Variants in PACS2 observed in about 807,000 individuals in gnomAD.
PACS2 encodes the protein PACS1-like protein.
Under a neutral mutation model 113.0 loss-of-function variants are expected in PACS2, and 36 were observed. That is an observed-to-expected ratio of 0.32 (90% CI 0.24 to 0.42). PACS2 has a LOEUF of 0.42. Among genes scored for constraint, PACS2 ranks in the 10% least tolerant of loss-of-function variants. The pLI is 1.00. For synonymous variants in PACS2, 589 were observed against 536.1 expected, an observed-to-expected ratio of 1.10 and a Z score of -1.36; for missense variants, 1,015 against 1,239.5, an observed-to-expected ratio of 0.82 and a Z score of 2.72.
chr14:105,391,094 G>C, intron 20 of PACS2, 113 bp from the exon 21 acceptor site: 1 of 781,072 alleles, frequency 1.3e-6, no homozygotes. Context: ...CCACCTGGCC[G>C]CTCCAGCATC....
chr14:105,382,977 T>G (rs1365243654), intron 15 of PACS2, 64 bp downstream of exon 15: 2 of 958,492 alleles, frequency 2.1e-6, no homozygotes, highest in East Asian at 5.0e-5. Context: ...CACCCCCACC[T>G]CTGCCCATTG....
intron 19 of PACS2, among the ~76,000 whole-genome samples, chr14:105,386,550 C>T (rs1274656961): frequency 6.6e-6 from 1 of 152,194 alleles, no homozygotes; most frequent in African/African-American, 2.4e-5. Flanking sequence ...TTTCCTTGGC[C>T]AGGTGTGTCC....
At chr14:105,302,204 C>CTT (rs1274491955) in intron 1 of PACS2, among the ~76,000 whole-genome samples, 9 of 132,780 alleles carry the variant, frequency 6.8e-5, no homozygotes, top group Non-Finnish European at 9.7e-5. Flanking sequence ...TTTTTTCTTT[C>CTT]TTTTTTTTTT....
intron 17 of PACS2, 83 bp downstream of exon 17, chr14:105,384,546 C>G (rs1368895686): frequency 1.1e-5 from 9 of 827,314 alleles, no homozygotes; most frequent in Non-Finnish European, 2.0e-6. Context: ...CCAGGAGGCC[C>G]TGCACCTGCT....
intron 1 of PACS2, among the ~76,000 whole-genome samples, chr14:105,334,311 C>T (rs1035559040): frequency 7.2e-5 from 11 of 152,360 alleles, no homozygotes; most frequent in African/African-American, 2.2e-4. Flanking sequence ...TCCAGGGCAG[C>T]GTGGCCAGGA....
intron 21 of PACS2, 68 bp from the exon 22 acceptor site, chr14:105,391,563 G>T: frequency 1.8e-6 from 2 of 1,114,964 alleles, no homozygotes; most frequent in Non-Finnish European, 1.2e-6. Context: ...ATCCTGGTCC[G>T]GAGGGCCTGG....
chr14:105,368,583 C>G (rs1396997990), intron 7 of PACS2, 44 bp downstream of exon 7: 8 of 1,485,878 alleles, frequency 5.4e-6, no homozygotes, highest in Non-Finnish European at 7.5e-6. Flanking sequence ...AGGCGAGGGT[C>G]GGGGAGGACG....
intron 1 of PACS2, among the ~76,000 whole-genome samples, chr14:105,304,993 C>T (rs944289126): frequency 1.3e-5 from 2 of 152,184 alleles, no homozygotes; most frequent in African/African-American, 4.8e-5. Flanking sequence ...TGTGTGTTCC[C>T]CCAAAGTCCA....
upstream of PACS2, among the ~76,000 whole-genome samples, chr14:105,312,235 C>T (rs587693522): frequency 2.5e-4 from 38 of 152,342 alleles, 1 homozygote; most frequent in African/African-American, 8.2e-4. Context: ...GGAAAGGCCT[C>T]GGCCCATCCT....
chr14:105,315,092 G>T lies in PACS2; in HGVS notation c.119+55G>T. ...GCCGGGCACCTGCTGGGGGTGTCCTGGCCGCGGCCTCTGCGCGCCCCATCC... is the reference window on the plus strand; with the variant it reads ...GCCGGGCACCTGCTGGGGGTGTCCTTGCCGCGGCCTCTGCGCGCCCCATCC... On this transcript the variant is annotated intron_variant, in intron 1 of 24. Coordinates refer to ENST00000447393, the MANE Select transcript of PACS2 (RefSeq NM_001100913.3). This position sits in a 1 kb window ranked among gnomAD's most constrained non-coding sequence, Gnocchi z 4.4. 9.6e-7 allele frequency: 1 copy of T among 1,041,188 alleles called. No homozygotes were observed. Among genetic ancestry groups the T allele is most frequent in the Non-Finnish European group, 1.2e-6 (1 of 859,418 alleles). 64.5% of individuals were successfully genotyped at this position (1,041,188 alleles called of 1,614,324 possible). A position where few individuals can be genotyped will look rare whatever the true frequency, so the allele number is the denominator to read the frequency against.
chr14:105,394,191 A>T, intron 24 of PACS2: 1 of 985,364 alleles, frequency 1.0e-6, no homozygotes, highest in Non-Finnish European at 1.2e-6. Flanking sequence ...CTCTGTTTTA[A>T]GGGGGCTCCC....
At chr14:105,374,187 A>C (rs2061261126) in intron 8 of PACS2, among the ~76,000 whole-genome samples, 1 of 152,062 alleles carries the variant, frequency 6.6e-6, no homozygotes, top group Non-Finnish European at 1.5e-5. Flanking sequence ...AATGGATCAA[A>C]TATCTCCATC....
intron 1 of PACS2, among the ~76,000 whole-genome samples, chr14:105,339,699 TAA>T (rs199609177): frequency 2.6e-4 from 35 of 133,836 alleles, no homozygotes; most frequent in Non-Finnish European, 2.0e-4. Flanking sequence ...CTGTCTCTAT[TAA>T]AAAAAAAAAA....
intron 24 of PACS2, chr14:105,393,663 C>A: frequency 9.4e-6 from 2 of 213,738 alleles, no homozygotes; most frequent in Non-Finnish European, 1.8e-5. Flanking sequence ...GATCTCAGCT[C>A]ACTGCAACTT....
At chr14:105,375,481 CAAA>C (rs34549878) in intron 8 of PACS2, among the ~76,000 whole-genome samples, 2 of 51,408 alleles carry the variant, frequency 3.9e-5, no homozygotes, top group Non-Finnish European at 4.6e-5. Flanking sequence ...GACTCCATCT[CAAA>C]AAAAAAAAAA....
chr14:105,383,583 T>TGTGGCGTGGC, intron 16 of PACS2, 70 bp downstream of exon 16: 1 of 1,465,250 alleles, frequency 6.8e-7, no homozygotes, highest in Non-Finnish European at 9.2e-7. Flanking sequence ...CATGGAGTGG[T>TGTGGCGTGGC]GTGGCGTGGC....
At chr14:105,353,005 A>G (rs1417321551) in intron 3 of PACS2, among the ~76,000 whole-genome samples, 11 of 91,606 alleles carry the variant, frequency 1.2e-4, no homozygotes, top group South Asian at 4.1e-4. Flanking sequence ...GGGCCCCCTC[A>G]TCACTGTCCC....
chr14:105,381,061 G>T lies in PACS2; in HGVS notation c.1230G>T (p.Arg410Ser), dbSNP rs1555411891. ...VFTERLPPSG[R>S]ITKTESLVIP... is the part of the protein sequence containing the mutation. ...CGGAGAGGCTGCCGCCCAGCGGGAG[G>T]ATCACCAAGACAGAGTCCCTTGTCA... Residue 410 changes from arginine (R) to serine (S), a missense_variant, in exon 12 of 25, where the codon AGG becomes AGT. Coordinates refer to ENST00000447393, the MANE Select transcript of PACS2 (RefSeq NM_001100913.3). The T allele has an allele frequency of 1.2e-6, 2 of 1,612,442 alleles. No homozygotes were observed. Among genetic ancestry groups the T allele is most frequent in the Non-Finnish European group, 1.7e-6 (2 of 1,179,752 alleles).
Position 105,331,330 on chromosome 14 carries a change from G to T in PACS2, c.119+16293G>T, listed in dbSNP as rs112160477. Among the ~76,000 whole-genome samples the T allele has an allele frequency of 1.6e-4, 24 of 152,290 alleles. 1 individual carries two copies. Among genetic ancestry groups the T allele is most frequent in the African/African-American group, 5.8e-4 (24 of 41,562 alleles). ...TAGTTGCATGTATTCCTGTCATTTT[G>T]ATCATTTTGATTGTGTTTATTACGT... is the stretch of plus-strand genomic sequence containing the variant. On this transcript the variant is annotated intron_variant, in intron 1 of 24. Coordinates refer to ENST00000447393, the MANE Select transcript of PACS2 (RefSeq NM_001100913.3).
Sources: gnomAD v4.1 joint callset for allele counts (sites outside exome capture counted in the v4.1 genomes callset) on GRCh38, gnomAD v4.1.1 for gene constraint, Gnocchi (gnomAD v3.1) non-coding constraint, MANE v1.5 for transcripts, NCBI Gene and HGNC (gene_info 2026-07-23, HGNC 2026-07-21) for gene names.